PTPN11: variants seen among roughly 807,000 people sequenced by gnomAD.
PTPN11 encodes tyrosine-protein phosphatase non-receptor type 11.
Under a neutral mutation model 78.8 loss-of-function variants are expected in PTPN11, and 6 were observed. The observed-to-expected ratio is 0.08, with a 90% CI of 0.04 to 0.15. The LOEUF is 0.15. Among genes scored for constraint, PTPN11 ranks in the 10% least tolerant of loss-of-function variants. The pLI is 1.00. For missense variants in PTPN11, 386 were observed against 744.8 expected (o/e 0.52, Z 5.61); for synonymous variants, 221 against 263.5 (o/e 0.84, Z 1.56).
At chr12:112,499,653 A>G (rs2038851515) in intron 13 of PTPN11, among the ~76,000 whole-genome samples, 1 of 152,092 alleles carries the variant, frequency 6.6e-6, no homozygotes, top group Non-Finnish European at 1.5e-5. Context: ...AAGTTTTAAA[A>G]TAATATTCTC....
rs2038343458 is a variant in PTPN11 at position 112,467,231 on chromosome 12, GAC to G, written c.757-5712_757-5711del. Among the ~76,000 whole-genome samples, 3 of 152,316 alleles carry G rather than the reference GAC, an allele frequency of 2.0e-5. No individual in the cohort carries two copies. The South Asian group carries it at 6.2e-4, about 32-fold the overall frequency. On this transcript the variant is annotated intron_variant, in intron 6 of 15. Transcript: ENST00000351677. ...CATGTACAACATGGATCAGGACATTGACTTTCTGTGGATACCTTTTAATAGTT... is the reference window on the plus strand; with the variant it reads ...CATGTACAACATGGATCAGGACATTGTTTCTGTGGATACCTTTTAATAGTT...
chr12:112,455,232 CTTTTTTTTTTT>C (rs997021901), intron 5 of PTPN11, among the ~76,000 whole-genome samples: 3 of 116,276 alleles, frequency 2.6e-5, no homozygotes, highest in African/African-American at 6.3e-5. Flanking sequence ...TACAGAGGTT[CTTTTTTTTTTT>C]TTTTTTTTTT....
intron 14 of PTPN11, among the ~76,000 whole-genome samples, chr12:112,503,566 C>CTT (rs2038902404): frequency 6.6e-6 from 1 of 152,034 alleles, no homozygotes. Flanking sequence ...TTTTTCTTTT[C>CTT]TTTCCCAGTG....
rs751834261 is a variant in PTPN11, at chr12:112,489,034, C to T, written c.1458C>T (p.Cys486=). The part of the protein sequence containing the change: ...IDIIREKGVD[C]DIDVPKTIQM... ...ATGTTTCCTTCGTAGGTGTTGACTG[C>T]GATATTGACGTTCCCAAAACCATCC... The change falls in exon 13 of 16, where the codon TGC becomes TGT. Residue 486 remains cysteine, a synonymous_variant. Transcript: ENST00000351677. 10 of 1,613,592 alleles carry T rather than the reference C, an allele frequency of 6.2e-6. No homozygotes were observed. The highest frequency in any genetic ancestry group is 4.4e-5 in the South Asian group (4 of 91,050).
intron 6 of PTPN11, among the ~76,000 whole-genome samples, chr12:112,465,359 T>A (rs2038310363): frequency 6.7e-6 from 1 of 148,474 alleles, no homozygotes; most frequent in African/African-American, 2.5e-5. Flanking sequence ...TGCTTAAACC[T>A]GGGAGGCAGA....
chr12:112,502,117 T>TCACA lies in PTPN11; in HGVS notation c.1600-26_1600-23dup, dbSNP rs1200396206. The TCACA allele has an allele frequency of 2.6e-6, 4 of 1,541,872 alleles. No individual in the cohort carries two copies. In the African/African-American group the frequency reaches 5.5e-5, roughly 21 times the overall value. On this transcript the variant is annotated intron_variant, in intron 13 of 15. Coordinates refer to ENST00000351677, the MANE Select transcript of PTPN11 (RefSeq NM_002834.5). ...ATCCCCTTAAAATAACCATTGTCCC[T>TCACA]CACATGTGCACTCTTCCAAATTTCA...
rs1276417608 is a variant in PTPN11 at position 112,467,242 on chromosome 12, G to A, written c.757-5702G>A. Reference sequence around the variant, plus strand: ...TGGATCAGGACATTGACTTTCTGTGGATACCTTTTAATAGTTTATTAGATG... The same window carrying A: ...TGGATCAGGACATTGACTTTCTGTGAATACCTTTTAATAGTTTATTAGATG... On this transcript the variant is annotated intron_variant, in intron 6 of 15. Coordinates refer to ENST00000351677, the MANE Select transcript of PTPN11 (RefSeq NM_002834.5). Among the ~76,000 whole-genome samples, 7 of 152,238 alleles carry A rather than the reference G, an allele frequency of 4.6e-5. No homozygotes were observed. The South Asian group carries it at 6.2e-4, about 14-fold the overall frequency.
At chr12:112,455,624 T>C (rs1215447151) in intron 5 of PTPN11, among the ~76,000 whole-genome samples, 3 of 152,186 alleles carry the variant, frequency 2.0e-5, no homozygotes, top group African/African-American at 7.2e-5. Context: ...TTTGGCATTG[T>C]TGCTATTTCA....
At chr12:112,448,287 C>T (rs1342449404) in intron 2 of PTPN11, among the ~76,000 whole-genome samples, 4 of 151,168 alleles carry the variant, frequency 2.6e-5, no homozygotes, top group Non-Finnish European at 3.0e-5. Flanking sequence ...CTTGGCTCAC[C>T]GCAACCTCCA....
chr12:112,472,800 C>T (rs1401240891), intron 6 of PTPN11, 144 bp from the exon 7 acceptor site: 1 of 789,740 alleles, frequency 1.3e-6, no homozygotes, highest in Admixed American at 1.9e-5. Flanking sequence ...CACGCCTGAC[C>T]CAGATGAACA....
rs1592854511 is a variant in PTPN11, at chr12:112,489,055, C to G, written c.1479C>G (p.Thr493=). The G allele has an allele frequency of 1.2e-6, 2 of 1,614,082 alleles. No homozygotes were observed. Among genetic ancestry groups the G allele is most frequent in the Non-Finnish European group, 1.7e-6 (2 of 1,180,028 alleles). ...ACTGCGATATTGACGTTCCCAAAAC[C>G]ATCCAGATGGTGCGGTCTCAGAGGT... ...GVDCDIDVPK[T]IQMVRSQRSG... Residue 493 remains threonine, a synonymous_variant, in exon 13 of 16, where the codon ACC becomes ACG. Coordinates refer to ENST00000351677, the MANE Select transcript of PTPN11 (RefSeq NM_002834.5).
chr12:112,475,769 G>A lies in PTPN11; in HGVS notation c.854-1882G>A, dbSNP rs545805507. On this transcript the variant is annotated intron_variant, in intron 7 of 15. Coordinates refer to ENST00000351677, the MANE Select transcript of PTPN11 (RefSeq NM_002834.5). ...CATGAAACATAGTCTTTCTCTTTCTGCATGCATATGTACATATACATGGTA... is the reference window on the plus strand; with the variant it reads ...CATGAAACATAGTCTTTCTCTTTCTACATGCATATGTACATATACATGGTA... 1.2e-4 allele frequency among the ~76,000 whole-genome samples: 18 copies of A among 152,184 alleles called. No individual in the cohort carries two copies. In the South Asian group the frequency reaches 3.7e-3, roughly 32 times the overall value.
intron 13 of PTPN11, among the ~76,000 whole-genome samples, chr12:112,499,289 A>C (rs1352961701): frequency 6.6e-6 from 1 of 152,132 alleles, no homozygotes; most frequent in Non-Finnish European, 1.5e-5. Flanking sequence ...TTAAAAAGTG[A>C]GTTGAGATTT....
chr12:112,423,539 G>T (rs949970347), intron 1 of PTPN11, among the ~76,000 whole-genome samples: 2 of 152,044 alleles, frequency 1.3e-5, no homozygotes, highest in African/African-American at 4.8e-5. Context: ...GCCCACCTTG[G>T]CCTTCCAAAG....
Position 112,453,488 on chromosome 12 carries a change from TTTTATTTA to T in PTPN11, c.525+125_525+132del, listed in dbSNP as rs141468112. 674 of 871,550 alleles carry T rather than the reference TTTTATTTA, an allele frequency of 7.7e-4. 5 individuals carry two copies. The highest frequency in any genetic ancestry group is 7.6e-4 in the Non-Finnish European group (424 of 556,190). The allele number at this position is 871,550 out of a possible 1,614,324, so 54.0% of individuals were successfully genotyped here. A position where few individuals can be genotyped will look rare whatever the true frequency, so the allele number is the denominator to read the frequency against. On this transcript the variant is annotated intron_variant, in intron 4 of 15. Transcript: ENST00000351677. ...CCATTACATTCAAAGTCAGATTGTC[TTTTATTTA>T]TTTATTTATTTATTTATTTATTTGA...
chr12:112,420,889 A>G (rs2037514063), intron 1 of PTPN11, among the ~76,000 whole-genome samples: 1 of 152,216 alleles, frequency 6.6e-6, no homozygotes, highest in Non-Finnish European at 1.5e-5. Flanking sequence ...ACAGTTGTCT[A>G]TTCTTTAATC....
rs115995284 is a variant in PTPN11 at position 112,435,778 on chromosome 12, A to G, written c.15-10498A>G. Among the ~76,000 whole-genome samples the G allele has an allele frequency of 2.5e-3, 388 of 152,174 alleles. 6 individuals carry two copies. Among genetic ancestry groups the G allele is most frequent in the African/African-American group, 9.1e-3 (379 of 41,510 alleles). On this transcript the variant is annotated intron_variant, in intron 1 of 15. Transcript: ENST00000351677. ...GTCACTGAAGTCACTAAGTGGCAAA[A>G]GACAGAAAAAAAATTGAAAGTAGGA...
chr12:112,419,037 C>T lies in PTPN11; in HGVS notation c.-75C>T. The T allele has an allele frequency of 6.6e-7, 1 of 1,525,952 alleles. No homozygotes were observed. Among genetic ancestry groups the T allele is most frequent in the Non-Finnish European group, 8.8e-7 (1 of 1,137,830 alleles). 94.5% of individuals were successfully genotyped at this position (1,525,952 alleles called of 1,614,324 possible). A position where few individuals can be genotyped will look rare whatever the true frequency, so the allele number is the denominator to read the frequency against. ...GGTCCCGAGCGGGCCTCCCTCGGGC[C>T]AGCCCGATGTGACCGAGCCCAGCGG... On this transcript the variant is annotated 5_prime_UTR_variant, in exon 1 of 16. Coordinates refer to ENST00000351677, the MANE Select transcript of PTPN11 (RefSeq NM_002834.5).
At position 112,419,146 on chromosome 12, in the gene PTPN11, C is replaced by A. The variant is rs571349888; in HGVS notation, c.14+21C>A. On this transcript the variant is annotated intron_variant, in intron 1 of 15. Coordinates refer to ENST00000351677, the MANE Select transcript of PTPN11 (RefSeq NM_002834.5). ...CGGAGGTGAGGAGCCCCGAGGGGCC[C>A]GGCGCGGGCCTCGGCCCGGCCACCG... 510 of 1,504,150 alleles carry A rather than the reference C, an allele frequency of 3.4e-4. 4 individuals carry two copies. The East Asian group carries it at 0.012, about 34-fold the overall frequency. 93.2% of individuals were successfully genotyped at this position (1,504,150 alleles called of 1,614,324 possible).
Sources: gnomAD v4.1 joint callset for allele counts (sites outside exome capture counted in the v4.1 genomes callset) on GRCh38, gnomAD v4.1.1 for gene constraint, MANE v1.5 for transcripts, NCBI Gene and HGNC (gene_info 2026-07-23, HGNC 2026-07-21) for gene names.